The following KIAA1755 variants were observed in gnomAD, a reference collection of about 807,000 sequenced individuals.
KIAA1755 encodes the protein uncharacterized protein KIAA1755.
Under a neutral mutation model 91.7 loss-of-function variants are expected in KIAA1755, and 68 were observed. The ratio of observed to expected loss-of-function variants is 0.74; its 90% CI spans 0.61 to 0.91. The LOEUF is 0.91. Ranked by LOEUF, KIAA1755 falls within the 40% of genes least tolerant of loss-of-function variation. KIAA1755 has a pLI of 0.00. For missense variants in KIAA1755, 1,535 were observed against 1,494.4 expected (o/e 1.03, Z -0.45); for synonymous variants, 610 against 604.6 (o/e 1.01, Z -0.13).
intron 11 of KIAA1755, 81 bp from the exon 12 acceptor site, chr20:38,218,447 T>A: frequency 2.6e-6 from 4 of 1,562,366 alleles, no homozygotes; most frequent in Non-Finnish European, 3.5e-6. Context: ...CCTTGCAGGC[T>A]GAGGTCTTCT....
intron 12 of KIAA1755, chr20:38,218,011 A>G: frequency 3.4e-6 from 2 of 580,956 alleles, no homozygotes; most frequent in Non-Finnish European, 6.0e-6. Context: ...TGGAAACTGC[A>G]TTTTAAGAAA....
At chr20:38,240,286 C>T (rs2076032166) in intron 3 of KIAA1755, among the ~76,000 whole-genome samples, 1 of 152,116 alleles carries the variant, frequency 6.6e-6, no homozygotes, top group Admixed American at 6.6e-5. Flanking sequence ...GGTGACATTC[C>T]CATTGCACAG....
chr20:38,251,620 C>T (rs2076250580), intron 1 of KIAA1755, among the ~76,000 whole-genome samples: 1 of 147,972 alleles, frequency 6.8e-6, no homozygotes, highest in Admixed American at 6.9e-5. Flanking sequence ...GGCTGGAGTA[C>T]AGTGATGCAA....
intron 13 of KIAA1755, among the ~76,000 whole-genome samples, chr20:38,216,579 G>A (rs2075546816): frequency 1.3e-5 from 2 of 152,216 alleles, no homozygotes; most frequent in African/African-American, 4.8e-5. Flanking sequence ...CTGCTCCTTT[G>A]TCCCCACAGA....
At chr20:38,257,131 A>C (rs2076352658) in intron 1 of KIAA1755, among the ~76,000 whole-genome samples, 1 of 152,212 alleles carries the variant, frequency 6.6e-6, no homozygotes, top group Non-Finnish European at 1.5e-5. Flanking sequence ...ACCACCCATC[A>C]GACACAGCCT....
At chr20:38,226,733 A>G (rs1238137849) in intron 7 of KIAA1755, among the ~76,000 whole-genome samples, 1 of 152,210 alleles carries the variant, frequency 6.6e-6, no homozygotes, top group Non-Finnish European at 1.5e-5. Flanking sequence ...ATACAGGAAG[A>G]GCAGGTGTGA....
intron 13 of KIAA1755, among the ~76,000 whole-genome samples, chr20:38,215,193 C>T (rs1600558038): frequency 6.6e-6 from 1 of 152,168 alleles, no homozygotes; most frequent in African/African-American, 2.4e-5. Context: ...CCTTATTGAA[C>T]GGATTGAAAT....
chr20:38,218,177 C>A, intron 12 of KIAA1755, 67 bp downstream of exon 12: 1 of 1,600,050 alleles, frequency 6.2e-7, no homozygotes, highest in South Asian at 1.1e-5. Flanking sequence ...TTTGCCCTGG[C>A]AGTGCCACCC....
chr20:38,260,152 A>G, intron 1 of KIAA1755: 3 of 1,303,536 alleles, frequency 2.3e-6, no homozygotes, highest in Non-Finnish European at 3.0e-6. Flanking sequence ...TGCATATCAC[A>G]GTCAGTTCCA....
Position 38,245,913 on chromosome 20 carries a change from T to C in KIAA1755, c.201+16A>G. The C allele has an allele frequency of 6.2e-7, 1 of 1,612,962 alleles. No individual in the cohort carries two copies. The highest frequency in any genetic ancestry group is 8.5e-7 in the Non-Finnish European group (1 of 1,179,058). On this transcript the variant is annotated intron_variant, in intron 2 of 13. Transcript: ENST00000279024. Reference sequence around the variant, plus strand: ...GGAACAGCTTGTTCCCTGTCCCTGTTTCCCTCTTGACTTACACAGGCTGCT... The same window carrying C: ...GGAACAGCTTGTTCCCTGTCCCTGTCTCCCTCTTGACTTACACAGGCTGCT...
rs758079080 is a variant in KIAA1755, at chr20:38,223,622, G to A, written c.2184C>T (p.Phe728=). Residue 728 remains phenylalanine (F), a synonymous_variant, in exon 9 of 14, where the codon TTC becomes TTT. Coordinates refer to ENST00000279024, the MANE Select transcript of KIAA1755 (RefSeq NM_001029864.2). The part of the protein sequence containing the change: ...WVHFFQKLDP[F]LADLHQASSL... ...AAGAGGCCTGGTGGAGGTCAGCAAG[G>A]AAAGGGTCCAGCTTCTGCAGGACAG... is the stretch of plus-strand genomic sequence containing the variant. 5.6e-6 allele frequency: 9 copies of A among 1,605,814 alleles called. No homozygotes were observed. The Admixed American group carries it at 6.8e-5, about 12-fold the overall frequency.
intron 1 of KIAA1755, among the ~76,000 whole-genome samples, chr20:38,259,854 A>ACACACACC (rs2076413719): frequency 7.1e-6 from 1 of 140,260 alleles, no homozygotes; most frequent in African/African-American, 2.8e-5. Context: ...ACACACACAC[A>ACACACACC]TTCTCCCAGA....
intron 1 of KIAA1755, among the ~76,000 whole-genome samples, chr20:38,256,507 T>G (rs1194817399): frequency 6.6e-6 from 1 of 152,238 alleles, no homozygotes; most frequent in Non-Finnish European, 1.5e-5. Flanking sequence ...TTTTTCAACT[T>G]AAATCTATTT....
rs1459357573 is a variant in KIAA1755 at position 38,210,861 on chromosome 20, G to A, written c.*2181C>T. ...CGGCCCTCTCTGAGGCAACAGGCAT[G>A]GATGGAGATGGGCTGATCAACGCCT... On this transcript the variant is annotated 3_prime_UTR_variant, in exon 14 of 14. Transcript: ENST00000279024. 6.6e-6 allele frequency: 1 copy of A among 152,252 alleles called. No homozygotes were observed. Among genetic ancestry groups the A allele is most frequent in the African/African-American group, 2.4e-5 (1 of 41,468 alleles). 9.4% of individuals were successfully genotyped at this position (152,252 alleles called of 1,614,324 possible).
rs371726019 is a variant in KIAA1755 at position 38,213,111 on chromosome 20, G to A, written c.3534C>T (p.Ser1178=). ...QVPRLTGGSF[S]SEGTDSQTSL... is the part of the protein sequence containing the mutation. ...ATGTCTGTGAGTCTGTCCCCTCTGA[G>A]GAGAAGCTGCCCCCAGTGAGGCGAG... is the stretch of plus-strand genomic sequence containing the variant. Residue 1178 remains serine, a synonymous_variant, in exon 14 of 14, where the codon TCC becomes TCT. Coordinates refer to ENST00000279024, the MANE Select transcript of KIAA1755 (RefSeq NM_001029864.2). The A allele has an allele frequency of 5.0e-6, 8 of 1,604,094 alleles. No individual in the cohort carries two copies. In the African/African-American group the frequency reaches 9.4e-5, roughly 19 times the overall value.
At chr20:38,217,222 G>A in intron 13 of KIAA1755, 31 bp downstream of exon 13, 2 of 1,551,576 alleles carry the variant, frequency 1.3e-6, no homozygotes, top group South Asian at 2.3e-5. Flanking sequence ...GGGATCGGGG[G>A]GTATCTGTGC....
chr20:38,218,574 A>G (rs891425536), intron 11 of KIAA1755, among the ~76,000 whole-genome samples: 8 of 152,176 alleles, frequency 5.3e-5, no homozygotes, highest in Admixed American at 6.5e-5. Context: ...TGTTCTTCAA[A>G]GCGGGACCCT....
intron 1 of KIAA1755, among the ~76,000 whole-genome samples, chr20:38,250,512 C>CTGTGTGTGTGTGTGTGTG (rs3080901): frequency 2.9e-5 from 4 of 138,836 alleles, no homozygotes; most frequent in Non-Finnish European, 6.2e-5. Context: ...GTGTGTGTGT[C>CTGTGTGTGTGTGTGTGTG]TGTGTGTGTG....
rs2075462773 is a variant in KIAA1755 at position 38,212,348 on chromosome 20, T to A, written c.*694A>T. 1 of 152,304 alleles carries A rather than the reference T, an allele frequency of 6.6e-6. No individual in the cohort carries two copies. Among genetic ancestry groups the A allele is most frequent in the African/African-American group, 2.4e-5 (1 of 41,384 alleles). 9.4% of individuals were successfully genotyped at this position (152,304 alleles called of 1,614,324 possible). On this transcript the variant is annotated 3_prime_UTR_variant, in exon 14 of 14. Transcript: ENST00000279024. ...TGGGCGGAAAAGGCAATCCCAGCAC[T>A]TTGGCAGGCCAAGGCAAGAGGATCA...
Sources: gnomAD v4.1 joint callset for allele counts (sites outside exome capture counted in the v4.1 genomes callset) on GRCh38, gnomAD v4.1.1 for gene constraint, MANE v1.5 for transcripts, NCBI Gene and HGNC (gene_info 2026-07-23, HGNC 2026-07-21) for gene names.